The following NMNAT2 variants were observed in gnomAD, a reference collection of about 807,000 sequenced individuals.
The protein encoded by NMNAT2 is nicotinamide/nicotinic acid mononucleotide adenylyltransferase 2.
In NMNAT2, 11 loss-of-function variants were observed where a neutral mutation model predicts 41.6. The ratio of observed to expected loss-of-function variants is 0.26; its 90% CI spans 0.17 to 0.44. The LOEUF (loss-of-function observed/expected upper bound fraction) is 0.44, where lower values mean the gene tolerates loss of function less well. Ranked by LOEUF, NMNAT2 falls within the 20% of genes least tolerant of loss-of-function variation. The probability of loss-of-function intolerance (pLI) is 1.00; values close to 1 mark genes in which losing one functional copy is unlikely to be tolerated. For synonymous variants in NMNAT2, 148 were observed against 151.2 expected (o/e 0.98, Z 0.16); for missense variants, 288 against 407.7 (o/e 0.71, Z 2.53).
At chr1:183,294,852 A>G (rs1447320311) in intron 1 of NMNAT2, among the ~76,000 whole-genome samples, 1 of 152,218 alleles carries the variant, frequency 6.6e-6, no homozygotes, top group Admixed American at 6.5e-5. Flanking sequence ...CTGAGGAAAA[A>G]TCTAGCATGG....
intron 1 of NMNAT2, among the ~76,000 whole-genome samples, chr1:183,398,709 G>A (rs1040585639): frequency 2.0e-5 from 3 of 152,146 alleles, no homozygotes; most frequent in African/African-American, 7.2e-5. Flanking sequence ...AGAACAAACT[G>A]TCTCTCAGAC....
intron 1 of NMNAT2, among the ~76,000 whole-genome samples, chr1:183,341,748 C>CAAAAAAAAACAAAAAA (rs369432128): frequency 3.8e-5 from 3 of 79,794 alleles, no homozygotes; most frequent in African/African-American, 1.3e-4. Context: ...AAAAAAAAAA[C>CAAAAAAAAACAAAAAA]CTGTTTCCTT....
Position 183,418,307 on chromosome 1 carries a change from C to G in NMNAT2, c.-40G>C, listed in dbSNP as rs1353093127. 6.3e-7 allele frequency: 1 copy of G among 1,584,666 alleles called. No individual in the cohort carries two copies. Among genetic ancestry groups the G allele is most frequent in the Admixed American group, 1.7e-5 (1 of 59,812 alleles). On this transcript the variant is annotated 5_prime_UTR_variant, in exon 1 of 11. Coordinates refer to ENST00000287713, the MANE Select transcript of NMNAT2 (RefSeq NM_015039.4). Reference sequence around the variant, plus strand: ...CTTCGCGGTGGTCTAGGGGTTGCCTCTCTTTTTGTGTCTCGTTGTGTCTGC... The same window carrying G: ...CTTCGCGGTGGTCTAGGGGTTGCCTGTCTTTTTGTGTCTCGTTGTGTCTGC...
chr1:183,410,426 T>G (rs1044405382), intron 1 of NMNAT2, among the ~76,000 whole-genome samples: 1 of 152,002 alleles, frequency 6.6e-6, no homozygotes, highest in Non-Finnish European at 1.5e-5. Flanking sequence ...CTTTAAAATG[T>G]TTAGATAAAA....
chr1:183,279,406 G>C (rs974624001), intron 7 of NMNAT2, among the ~76,000 whole-genome samples: 1 of 152,234 alleles, frequency 6.6e-6, no homozygotes, highest in Non-Finnish European at 1.5e-5. Flanking sequence ...ATGTGGCTCA[G>C]GGTGGAGCAC....
chr1:183,286,023 A>G (rs1384616130), intron 5 of NMNAT2, among the ~76,000 whole-genome samples: 2 of 152,106 alleles, frequency 1.3e-5, no homozygotes, highest in East Asian at 3.9e-4. Flanking sequence ...GCAGAGAAAA[A>G]TGCTCCATTT....
At chr1:183,413,541 T>C (rs1649172757) in intron 1 of NMNAT2, among the ~76,000 whole-genome samples, 1 of 152,090 alleles carries the variant, frequency 6.6e-6, no homozygotes, top group Non-Finnish European at 1.5e-5. Flanking sequence ...GAGTTATCAG[T>C]ATTGTGGGTC....
intron 1 of NMNAT2, among the ~76,000 whole-genome samples, chr1:183,380,093 C>T (rs1663771131): frequency 6.6e-6 from 1 of 152,228 alleles, no homozygotes; most frequent in Admixed American, 6.5e-5. Context: ...CTATCCCTTA[C>T]ATCACAGCGT....
At chr1:183,357,475 C>G (rs762178480) in intron 1 of NMNAT2, among the ~76,000 whole-genome samples, 11 of 151,716 alleles carry the variant, frequency 7.3e-5, no homozygotes, top group Non-Finnish European at 2.9e-5. Context: ...ATGATCCACC[C>G]GCCTTGGCCT....
chr1:183,276,680 G>A (rs1038514516), intron 8 of NMNAT2, among the ~76,000 whole-genome samples: 2 of 152,186 alleles, frequency 1.3e-5, no homozygotes, highest in African/African-American at 4.8e-5. Flanking sequence ...CCTCCAGGAC[G>A]GCCCAGGCCT....
intron 1 of NMNAT2, among the ~76,000 whole-genome samples, chr1:183,362,675 A>G (rs1272640440): frequency 6.6e-6 from 1 of 152,120 alleles, no homozygotes; most frequent in Non-Finnish European, 1.5e-5. Context: ...GTTGATGGGT[A>G]TTTGGGTTGT....
intron 1 of NMNAT2, among the ~76,000 whole-genome samples, chr1:183,295,015 G>T (rs560745941): frequency 3.5e-4 from 53 of 152,162 alleles, no homozygotes; most frequent in South Asian, 2.3e-3. Context: ...TTCTTTCTTT[G>T]TTTTTTGAGA....
intron 1 of NMNAT2, among the ~76,000 whole-genome samples, chr1:183,410,657 C>G (rs1325787569): frequency 3.3e-5 from 5 of 152,150 alleles, no homozygotes; most frequent in Non-Finnish European, 2.9e-5. Context: ...TAGCAAGTTC[C>G]CTAGAAATTC....
chr1:183,416,120 A>G (rs1649244365), intron 1 of NMNAT2, among the ~76,000 whole-genome samples: 2 of 152,230 alleles, frequency 1.3e-5, no homozygotes, highest in African/African-American at 4.8e-5. Context: ...AAGCTCATGG[A>G]GAATTGGCAG....
At chr1:183,261,432 C>T (rs1660655058) in intron 8 of NMNAT2, 129 bp from the exon 9 acceptor site, 1 of 769,484 alleles carries the variant, frequency 1.3e-6, no homozygotes, top group Non-Finnish European at 2.2e-6. Context: ...CCAAACCGGC[C>T]TTCTTCTCAG....
rs1052923318 is a variant in NMNAT2, at chr1:183,248,475, C to T, written c.*4166G>A. The T allele has an allele frequency of 6.6e-6, 1 of 152,574 alleles. No homozygotes were observed. Among genetic ancestry groups the T allele is most frequent in the East Asian group, 1.9e-4 (1 of 5,192 alleles). 9.5% of individuals were successfully genotyped at this position (152,574 alleles called of 1,614,324 possible). On this transcript the variant is annotated 3_prime_UTR_variant, in exon 11 of 11. Transcript: ENST00000287713. ...GCTTCCCCCTCCTCATGCCAACCCT[C>T]AAGACCATGTGGATCCAGCTGAATC... is the stretch of plus-strand genomic sequence containing the variant.
At chr1:183,337,569 C>CAAAA (rs71127343) in intron 1 of NMNAT2, among the ~76,000 whole-genome samples, 4,689 of 100,374 alleles carry the variant, frequency 0.047, 188 homozygotes, top group Middle Eastern at 0.065. Context: ...CTCTCCACAG[C>CAAAA]AAAAAAAAAA....
At chr1:183,408,873 TA>T (rs1054538292) in intron 1 of NMNAT2, among the ~76,000 whole-genome samples, 8 of 152,128 alleles carry the variant, frequency 5.3e-5, no homozygotes, top group Non-Finnish European at 1.2e-4. Context: ...TCTCTTTTTT[TA>T]AAAAAAGTCT....
chr1:183,313,172 T>C lies in NMNAT2; in HGVS notation c.86-19379A>G, dbSNP rs74955786. ...AATTCAGAAGCTTACAAGCATACTA[T>C]AGGATACCAAAGAACAAAGAACCAT... is the stretch of plus-strand genomic sequence containing the variant. On this transcript the variant is annotated intron_variant, in intron 1 of 10. Coordinates refer to ENST00000287713, the MANE Select transcript of NMNAT2 (RefSeq NM_015039.4). 5.5e-3 allele frequency among the ~76,000 whole-genome samples: 829 copies of C among 149,836 alleles called. 23 individuals carry two copies. The East Asian group carries it at 0.061, about 11-fold the overall frequency.
Sources: allele counts gnomAD v4.1 joint callset (sites outside exome capture counted in the v4.1 genomes callset), GRCh38; gene constraint gnomAD v4.1.1; transcripts MANE v1.5; gene names NCBI Gene and HGNC (gene_info 2026-07-23, HGNC 2026-07-21).